GPD1L: variants seen among roughly 807,000 people sequenced by gnomAD.
GPD1L encodes the protein glycerol-3-phosphate dehydrogenase 1-like protein.
GPD1L carries 17 observed loss-of-function variants against 32.9 expected under a neutral mutation model. The observed-to-expected ratio is 0.52, with a 90% confidence interval of 0.35 to 0.78. The LOEUF is 0.78. Ranked by LOEUF, GPD1L falls within the 30% of genes least tolerant of loss-of-function variation. The pLI is 0.01. For synonymous variants in GPD1L, 187 were observed against 165.9 expected (o/e 1.13, Z -0.98); for missense variants, 361 against 447.8 (o/e 0.81, Z 1.75).
At chr3:32,128,644 C>A (rs1414126318) in intron 2 of GPD1L, among the ~76,000 whole-genome samples, 1 of 152,176 alleles carries the variant, frequency 6.6e-6, no homozygotes, top group Admixed American at 6.5e-5. Context: ...ATAAAGATAG[C>A]AGTCATATTG....
chr3:32,159,524 T>G, intron 6 of GPD1L, 44 bp from the exon 7 acceptor site: 1 of 1,116,966 alleles, frequency 9.0e-7, no homozygotes, highest in Non-Finnish European at 1.4e-6. Context: ...GATTCTTTAG[T>G]CTTTACCATA....
intron 1 of GPD1L, among the ~76,000 whole-genome samples, chr3:32,111,418 C>T (rs1160351775): frequency 6.6e-6 from 1 of 152,156 alleles, no homozygotes; most frequent in African/African-American, 2.4e-5. Flanking sequence ...TTGGGAAAAG[C>T]GCTTCTCTCT....
chr3:32,152,858 AGAC>A (rs374821051), intron 5 of GPD1L, among the ~76,000 whole-genome samples: 68 of 68,810 alleles, frequency 9.9e-4, no homozygotes, highest in Middle Eastern at 7.5e-3. Context: ...AAAAAAAAAA[AGAC>A]AGACAAAGAG....
In GPD1L at chr3:32,166,199, T is replaced by G. The variant is rs940720843; in HGVS notation, c.*289T>G. On this transcript the variant is annotated 3_prime_UTR_variant, in exon 8 of 8. Transcript: ENST00000282541. ...TTTTTTTCAAAATTGCTTATGAAAT[T>G]TCCACACAATCGTAGCTTATAAGAT... 1.8e-5 allele frequency: 8 copies of G among 450,496 alleles called. No homozygotes were observed. The highest frequency in any genetic ancestry group is 3.3e-5 in the Non-Finnish European group (8 of 244,910). The allele number at this position is 450,496 out of a possible 1,614,324, so 27.9% of individuals were successfully genotyped here.
At chr3:32,153,321 T>G (rs1468570918) in intron 5 of GPD1L, among the ~76,000 whole-genome samples, 2 of 152,246 alleles carry the variant, frequency 1.3e-5, no homozygotes, top group Non-Finnish European at 2.9e-5. Flanking sequence ...ATATTTACAT[T>G]CAAATTAATT....
At chr3:32,116,337 G>C (rs1700333116) in intron 1 of GPD1L, among the ~76,000 whole-genome samples, 1 of 152,178 alleles carries the variant, frequency 6.6e-6, no homozygotes, top group Admixed American at 6.5e-5. Context: ...ACTTGTCCCA[G>C]TCTAATTTCA....
intron 5 of GPD1L, among the ~76,000 whole-genome samples, chr3:32,148,614 C>T (rs1197003851): frequency 1.3e-5 from 2 of 152,146 alleles, no homozygotes; most frequent in Admixed American, 6.5e-5. Flanking sequence ...AATCGAGATC[C>T]AAAGAGCAAA....
chr3:32,154,995 C>A (rs1353135610), intron 5 of GPD1L, among the ~76,000 whole-genome samples: 1 of 152,192 alleles, frequency 6.6e-6, no homozygotes, highest in African/African-American at 2.4e-5. Context: ...GCAATCCACC[C>A]ACCCCAGCCT....
chr3:32,166,968 A>C lies in GPD1L; in HGVS notation c.*1058A>C, dbSNP rs79548677. 1.4e-5 allele frequency: 2 copies of C among 147,794 alleles called. No individual in the cohort carries two copies. The highest frequency in any genetic ancestry group is 3.0e-5 in the Non-Finnish European group (2 of 67,068). The allele number at this position is 147,794 out of a possible 1,614,324, so 9.2% of individuals were successfully genotyped here. A position where few individuals can be genotyped will look rare whatever the true frequency, so the allele number is the denominator to read the frequency against. ...CCACTCCAAGGGCGGTCCTCGGTGCAGCAGCATCAGCTTCACTTGTGGGGG... is the reference window on the plus strand; with the variant it reads ...CCACTCCAAGGGCGGTCCTCGGTGCCGCAGCATCAGCTTCACTTGTGGGGG... On this transcript the variant is annotated 3_prime_UTR_variant, in exon 8 of 8. Coordinates refer to ENST00000282541, the MANE Select transcript of GPD1L (RefSeq NM_015141.4).
At chr3:32,148,132 G>A (rs1700859288) in intron 5 of GPD1L, among the ~76,000 whole-genome samples, 1 of 152,116 alleles carries the variant, frequency 6.6e-6, no homozygotes, top group Non-Finnish European at 1.5e-5. Context: ...AACAGCAGGG[G>A]GCATCGTGAA....
intron 2 of GPD1L, among the ~76,000 whole-genome samples, chr3:32,135,075 C>A (rs1416552205): frequency 6.6e-6 from 1 of 152,206 alleles, no homozygotes; most frequent in East Asian, 1.9e-4. Context: ...CAACCCAGAC[C>A]TTCAAACCTA....
intron 1 of GPD1L, among the ~76,000 whole-genome samples, chr3:32,114,507 T>C (rs1700299141): frequency 6.6e-6 from 1 of 152,230 alleles, no homozygotes; most frequent in Non-Finnish European, 1.5e-5. Flanking sequence ...GAAACAAATG[T>C]TTCACAGTAA....
At chr3:32,113,272 G>A (rs1413017025) in intron 1 of GPD1L, among the ~76,000 whole-genome samples, 1 of 151,584 alleles carries the variant, frequency 6.6e-6, no homozygotes, top group African/African-American at 2.4e-5. Context: ...TTCTTTGTAT[G>A]TGAAGAAAAA....
rs151271856 is a variant in GPD1L at position 32,130,786 on chromosome 3, G to A, written c.225+2533G>A. 2.4e-4 allele frequency among the ~76,000 whole-genome samples: 37 copies of A among 152,248 alleles called. 1 individual carries two copies. Among genetic ancestry groups the A allele is most frequent in the African/African-American group, 7.9e-4 (33 of 41,558 alleles). On this transcript the variant is annotated intron_variant, in intron 2 of 7. Coordinates refer to ENST00000282541, the MANE Select transcript of GPD1L (RefSeq NM_015141.4). The stretch of plus-strand genomic sequence containing the variant: ...CCAGCACTTTGGGAGGCTGAGGGGG[G>A]CGGATCACTTGAGGTCAGGAGCTCG...
rs201122969 is a variant in GPD1L at position 32,128,257 on chromosome 3, A to C, written c.225+4A>C. On this transcript the variant is annotated splice_donor_region_variant and intron_variant, in intron 2 of 7. Coordinates refer to ENST00000282541, the MANE Select transcript of GPD1L (RefSeq NM_015141.4). ...ACACAAGCTGCCAGAAAATGTGGTA[A>C]GACTTTGGGGTGAAATGTACATTGG... 1.9e-6 allele frequency: 3 copies of C among 1,612,094 alleles called. No homozygotes were observed. In the South Asian group the frequency reaches 3.3e-5, roughly 18 times the overall value.
intron 5 of GPD1L, among the ~76,000 whole-genome samples, chr3:32,153,813 G>A (rs1459837939): frequency 1.3e-5 from 2 of 152,176 alleles, no homozygotes; most frequent in East Asian, 3.8e-4. Flanking sequence ...GTGGGAAGGT[G>A]GAAGTGGGAG....
chr3:32,126,061 G>A (rs1271884121), intron 1 of GPD1L, among the ~76,000 whole-genome samples: 1 of 152,154 alleles, frequency 6.6e-6, no homozygotes, highest in African/African-American at 2.4e-5. Flanking sequence ...CAGGTGTGGT[G>A]GCATGTGCCT....
chr3:32,147,545 C>A (rs987839126), intron 5 of GPD1L, among the ~76,000 whole-genome samples: 2 of 152,180 alleles, frequency 1.3e-5, no homozygotes, highest in African/African-American at 4.8e-5. Context: ...CAACAGGGAA[C>A]AGCAGCAGCT....
chr3:32,166,260 C>A lies in GPD1L; in HGVS notation c.*350C>A. The A allele has an allele frequency of 3.0e-6, 1 of 338,848 alleles. No individual in the cohort carries two copies. Among genetic ancestry groups the A allele is most frequent in the Non-Finnish European group, 5.6e-6 (1 of 178,576 alleles). 21.0% of individuals were successfully genotyped at this position (338,848 alleles called of 1,614,324 possible). A position where few individuals can be genotyped will look rare whatever the true frequency, so the allele number is the denominator to read the frequency against. ...TCAGCCAAATATTTTAGGTGTAATT[C>A]ATATGTATTTGAGTGGAGGATTTTT... is the stretch of plus-strand genomic sequence containing the variant. On this transcript the variant is annotated 3_prime_UTR_variant, in exon 8 of 8. Coordinates refer to ENST00000282541, the MANE Select transcript of GPD1L (RefSeq NM_015141.4).
Sources: allele counts gnomAD v4.1 joint callset (sites outside exome capture counted in the v4.1 genomes callset), GRCh38; gene constraint gnomAD v4.1.1; transcripts MANE v1.5; gene names NCBI Gene and HGNC (gene_info 2026-07-23, HGNC 2026-07-21).